The following NSD1 variants were observed in gnomAD, a reference collection of about 807,000 sequenced individuals.
The protein encoded by NSD1 is nuclear receptor binding SET domain protein 1, also known as histone-lysine N-methyltransferase, H3 lysine-36 specific.
A neutral mutation model predicts 242.7 loss-of-function variants in NSD1; 26 were observed. That is an observed-to-expected ratio of 0.11 (90% CI 0.08 to 0.15). NSD1 has a LOEUF of 0.15. NSD1 is among the 10% of genes least tolerant of loss of function. NSD1 has a pLI of 1.00. For missense variants in NSD1, 2,495 were observed against 3,272.8 expected, an observed-to-expected ratio of 0.76 and a Z score of 5.80; for synonymous variants, 1,106 against 1,178.1, an observed-to-expected ratio of 0.94 and a Z score of 1.25.
At chr5:177,145,523 A>G (rs948771616) in intron 2 of NSD1, among the ~76,000 whole-genome samples, 19 of 152,270 alleles carry the variant, frequency 1.2e-4, no homozygotes, top group Non-Finnish European at 2.6e-4. Context: ...GCTTCAGGCA[A>G]TTCTCCTACT....
At chr5:177,277,021 G>T (rs1581517185) in intron 17 of NSD1, among the ~76,000 whole-genome samples, 1 of 152,078 alleles carries the variant, frequency 6.6e-6, no homozygotes, top group African/African-American at 2.4e-5. Context: ...TCAGATAACA[G>T]CAAGGTAGGC....
intron 5 of NSD1, among the ~76,000 whole-genome samples, chr5:177,235,553 A>C (rs887960956): frequency 4.6e-5 from 7 of 152,106 alleles, no homozygotes; most frequent in African/African-American, 1.7e-4. Flanking sequence ...CCTGGCTTTA[A>C]ATTTAACCTT....
chr5:177,267,953 GTTT>G (rs35703730), intron 15 of NSD1, among the ~76,000 whole-genome samples: 6 of 135,700 alleles, frequency 4.4e-5, no homozygotes, highest in Admixed American at 7.4e-5. Context: ...TTTGTGAAAA[GTTT>G]TTTTTTTTTT....
intron 2 of NSD1, among the ~76,000 whole-genome samples, chr5:177,146,155 T>C (rs1757222635): frequency 6.6e-6 from 1 of 150,780 alleles, no homozygotes; most frequent in Non-Finnish European, 1.5e-5. Context: ...TTGCAAAAAA[T>C]ATCTAATACC....
intron 20 of NSD1, among the ~76,000 whole-genome samples, chr5:177,284,677 T>A (rs1369068103): frequency 2.0e-5 from 3 of 152,180 alleles, no homozygotes; most frequent in Non-Finnish European, 4.4e-5. Flanking sequence ...CACTAATAGG[T>A]TTGCTTTAGA....
intron 10 of NSD1, 39 bp from the exon 11 acceptor site, chr5:177,248,142 C>T: frequency 6.2e-7 from 1 of 1,611,782 alleles, no homozygotes; most frequent in Non-Finnish European, 8.5e-7. Flanking sequence ...GAAGAGACAT[C>T]AATAATACAG....
At position 177,159,001 on chromosome 5, in the gene NSD1, T is replaced by TATATATATATGAATG. The variant is rs1554173267; in HGVS notation, c.927+22981_927+22982insGAATGATATATATAT. 2.5e-3 allele frequency among the ~76,000 whole-genome samples: 56 copies of TATATATATATGAATG among 22,090 alleles called. 1 individual carries two copies. Among genetic ancestry groups the TATATATATATGAATG allele is most frequent in the African/African-American group, 6.9e-3 (55 of 8,006 alleles). 14.5% of individuals were successfully genotyped at this position (22,090 alleles called of 152,430 possible). Reference sequence around the variant, plus strand: ...ACACACATATATATGAATGATTTTATATATATATATATATATATATATATG... The same window carrying TATATATATATGAATG: ...ACACACATATATATGAATGATTTTATATATATATATGAATGATATATATATATATATATATATATG... On this transcript the variant is annotated intron_variant, in intron 2 of 22. Coordinates refer to ENST00000439151, the MANE Select transcript of NSD1 (RefSeq NM_022455.5).
Position 177,273,804 on chromosome 5 carries a change from G to C in NSD1, c.5622+20G>C. On this transcript the variant is annotated intron_variant, in intron 17 of 22. Transcript: ENST00000439151. ...ATAAAGGTGAGGAGAAAATCTTGGG[G>C]GACCTTCTCTAGAAGAGAAATGGAA... The C allele has an allele frequency of 6.6e-7, 1 of 1,511,782 alleles. No individual in the cohort carries two copies. Among genetic ancestry groups the C allele is most frequent in the Non-Finnish European group, 9.2e-7 (1 of 1,087,520 alleles). The allele number at this position is 1,511,782 out of a possible 1,614,324, so 93.6% of individuals were successfully genotyped here.
chr5:177,291,712 G>T (rs1161118682), intron 21 of NSD1, among the ~76,000 whole-genome samples: 3 of 152,104 alleles, frequency 2.0e-5, no homozygotes, highest in Non-Finnish European at 4.4e-5. Flanking sequence ...TTTAACACCA[G>T]CCTTATGGAT....
intron 2 of NSD1, among the ~76,000 whole-genome samples, chr5:177,159,883 C>T (rs1034508360): frequency 9.2e-5 from 14 of 151,404 alleles, no homozygotes; most frequent in East Asian, 5.8e-4. Flanking sequence ...ACCACTGCAC[C>T]CGGCCGAATA....
intron 11 of NSD1, among the ~76,000 whole-genome samples, chr5:177,251,156 C>T (rs932129792): frequency 4.0e-5 from 6 of 151,350 alleles, no homozygotes; most frequent in Non-Finnish European, 7.4e-5. Flanking sequence ...CGCCATTGTA[C>T]TCCATCCTGG....
At chr5:177,242,622 G>A (rs1367076656) in intron 8 of NSD1, among the ~76,000 whole-genome samples, 1 of 151,862 alleles carries the variant, frequency 6.6e-6, no homozygotes, top group Non-Finnish European at 1.5e-5. Flanking sequence ...CCACCTTCCA[G>A]GTTCATGCGA....
At chr5:177,224,681 C>G (rs1764503459) in intron 5 of NSD1, among the ~76,000 whole-genome samples, 2 of 149,604 alleles carry the variant, frequency 1.3e-5, no homozygotes, top group Admixed American at 1.4e-4. Context: ...GCCCTTTTCC[C>G]CCTTTGCTTA....
chr5:177,189,195 G>A (rs1039937325), intron 2 of NSD1, among the ~76,000 whole-genome samples: 11 of 152,174 alleles, frequency 7.2e-5, no homozygotes, highest in Admixed American at 7.2e-4. Context: ...GTGTATTATA[G>A]AGTAGGTGTT....
chr5:177,185,795 A>ATATATAT (rs376503888), intron 2 of NSD1, among the ~76,000 whole-genome samples: 1 of 88,396 alleles, frequency 1.1e-5, no homozygotes, highest in Non-Finnish European at 2.0e-5. Context: ...TATATTATAT[A>ATATATAT]TATATATATA....
chr5:177,174,651 T>C (rs940411616), intron 2 of NSD1, among the ~76,000 whole-genome samples: 3 of 151,420 alleles, frequency 2.0e-5, no homozygotes, highest in African/African-American at 7.3e-5. Context: ...CCCTGCCTCC[T>C]GGGTTCAAGC....
At chr5:177,137,673 T>C (rs1756453168) in intron 2 of NSD1, among the ~76,000 whole-genome samples, 1 of 152,274 alleles carries the variant, frequency 6.6e-6, no homozygotes, top group East Asian at 1.9e-4. Context: ...GTGTCTTTGT[T>C]TTTGCACATA....
chr5:177,275,887 A>G (rs1437296823), intron 17 of NSD1, among the ~76,000 whole-genome samples: 1 of 152,208 alleles, frequency 6.6e-6, no homozygotes, highest in African/African-American at 2.4e-5. Context: ...AGTCTGATGG[A>G]CTTACATGGT....
At chr5:177,280,505 G>A (rs1274003089) in intron 17 of NSD1, 60 bp from the exon 18 acceptor site, 11 of 1,610,728 alleles carry the variant, frequency 6.8e-6, no homozygotes, top group East Asian at 2.2e-5. Context: ...GCCTTTTTCA[G>A]GACGTGAATT....
Sources: allele counts gnomAD v4.1 joint callset (sites outside exome capture counted in the v4.1 genomes callset), GRCh38; gene constraint gnomAD v4.1.1; transcripts MANE v1.5; gene names NCBI Gene and HGNC (gene_info 2026-07-23, HGNC 2026-07-21).